The following LRP1B variants were observed in gnomAD, a reference collection of about 807,000 sequenced individuals.
LRP1B encodes the protein LDL receptor related protein 1B, also known as low-density lipoprotein receptor-related protein 1B.
In LRP1B, 217 loss-of-function variants were observed where a neutral mutation model predicts 556.6. The observed-to-expected ratio is 0.39, with a 90% CI of 0.35 to 0.44. The LOEUF (loss-of-function observed/expected upper bound fraction) is 0.44, where lower values mean the gene tolerates loss of function less well. Ranked by LOEUF, LRP1B falls within the 20% of genes least tolerant of loss-of-function variation. The pLI is 1.00. For missense variants in LRP1B, 5,053 were observed against 5,620.8 expected, an observed-to-expected ratio of 0.90 and a Z score of 3.23; for synonymous variants, 2,047 against 1,865.8, an observed-to-expected ratio of 1.10 and a Z score of -2.50.
At chr2:141,960,035 A>G (rs1574533061) in intron 1 of LRP1B, among the ~76,000 whole-genome samples, 1 of 152,074 alleles carries the variant, frequency 6.6e-6, no homozygotes, top group Admixed American at 6.6e-5. Context: ...AGACACATGC[A>G]TAAATAAGAA....
At chr2:141,953,004 T>A (rs972977540) in intron 1 of LRP1B, among the ~76,000 whole-genome samples, 2 of 152,108 alleles carry the variant, frequency 1.3e-5, no homozygotes, top group Non-Finnish European at 2.9e-5. Context: ...CTCTAGAGGG[T>A]AGCAATTTCA....
intron 41 of LRP1B, among the ~76,000 whole-genome samples, chr2:140,602,607 G>A (rs1274008143): frequency 6.6e-6 from 1 of 151,956 alleles, no homozygotes; most frequent in Non-Finnish European, 1.5e-5. Context: ...CTATCCAGCT[G>A]CTATAAAAAT....
At chr2:140,901,159 C>A (rs2105219388) in intron 23 of LRP1B, among the ~76,000 whole-genome samples, 1 of 152,148 alleles carries the variant, frequency 6.6e-6, no homozygotes, top group African/African-American at 2.4e-5. Context: ...TGGGGGAGGG[C>A]TCCAAGTGGG....
At position 140,626,898 on chromosome 2, in the gene LRP1B, T is replaced by G. The variant is rs184868877; in HGVS notation, c.6800-25259A>C. Reference sequence around the variant, plus strand: ...CTTGACATGGATTCTACCTTTAAACTGTTATGGTGTGGCTTCTGAAGAACA... The same window carrying G: ...CTTGACATGGATTCTACCTTTAAACGGTTATGGTGTGGCTTCTGAAGAACA... On this transcript the variant is annotated intron_variant, in intron 41 of 90. Coordinates refer to ENST00000389484, the MANE Select transcript of LRP1B (RefSeq NM_018557.3). Among the ~76,000 whole-genome samples the G allele has an allele frequency of 1.0e-3, 156 of 152,292 alleles. 1 individual carries two copies. Among genetic ancestry groups the G allele is most frequent in the African/African-American group, 3.6e-3 (149 of 41,562 alleles).
intron 25 of LRP1B, among the ~76,000 whole-genome samples, chr2:140,870,159 C>T (rs763987517): frequency 5.3e-5 from 8 of 152,130 alleles, no homozygotes; most frequent in Non-Finnish European, 1.0e-4. Flanking sequence ...AAAGACTCAT[C>T]ACCACACCCA....
chr2:141,153,611 T>C (rs1175196990), intron 7 of LRP1B, among the ~76,000 whole-genome samples: 2 of 137,402 alleles, frequency 1.5e-5, no homozygotes, highest in Non-Finnish European at 3.1e-5. Context: ...TTATATATAA[T>C]ATATTATATA....
chr2:141,881,189 T>A (rs1698947763), intron 1 of LRP1B, among the ~76,000 whole-genome samples: 1 of 152,026 alleles, frequency 6.6e-6, no homozygotes, highest in Admixed American at 6.6e-5. Context: ...CTTGATGGTA[T>A]AAAAGCAAAG....
intron 83 of LRP1B, among the ~76,000 whole-genome samples, chr2:140,313,053 A>G (rs751394516): frequency 8.6e-5 from 13 of 151,958 alleles, no homozygotes; most frequent in Non-Finnish European, 1.8e-4. Flanking sequence ...TTGTTTAACC[A>G]ATTAACATTT....
chr2:140,501,617 G>A lies in LRP1B; in HGVS notation c.8850+70C>T, dbSNP rs940756916. The A allele has an allele frequency of 2.3e-5, 27 of 1,159,172 alleles. No individual in the cohort carries two copies. In the African/African-American group the frequency reaches 3.4e-4, roughly 15 times the overall value. The allele number at this position is 1,159,172 out of a possible 1,614,324, so 71.8% of individuals were successfully genotyped here. A position where few individuals can be genotyped will look rare whatever the true frequency, so the allele number is the denominator to read the frequency against. ...GGCTTTTAACTTTTTCATCTATATT[G>A]GATTAAATAGCTTTCTTAACCTCCA... On this transcript the variant is annotated intron_variant, in intron 55 of 90. Coordinates refer to ENST00000389484, the MANE Select transcript of LRP1B (RefSeq NM_018557.3).
At chr2:140,891,042 C>T (rs771404394) in intron 23 of LRP1B, among the ~76,000 whole-genome samples, 1 of 152,222 alleles carries the variant, frequency 6.6e-6, no homozygotes, top group South Asian at 2.1e-4. Context: ...CTGAATTTAA[C>T]AGCTCAAATC....
chr2:142,091,103 A>C (rs188149496), intron 1 of LRP1B, among the ~76,000 whole-genome samples: 99 of 152,170 alleles, frequency 6.5e-4, no homozygotes, highest in Non-Finnish European at 1.0e-3. Flanking sequence ...AATTAGAGAA[A>C]CTTCTGTAAT....
chr2:141,804,472 CA>C (rs1251172227), intron 2 of LRP1B, among the ~76,000 whole-genome samples: 1 of 151,894 alleles, frequency 6.6e-6, no homozygotes, highest in Non-Finnish European at 1.5e-5. Context: ...ATTTCTATAC[CA>C]AATGTATCCC....
intron 3 of LRP1B, among the ~76,000 whole-genome samples, chr2:141,395,439 TAA>T (rs1690206477): frequency 6.6e-6 from 1 of 152,154 alleles, no homozygotes; most frequent in Non-Finnish European, 1.5e-5. Context: ...CCTACAGCAA[TAA>T]GTTATACCAG....
At chr2:141,045,797 A>C (rs1341662090) in intron 11 of LRP1B, among the ~76,000 whole-genome samples, 1 of 152,188 alleles carries the variant, frequency 6.6e-6, no homozygotes, top group Non-Finnish European at 1.5e-5. Context: ...CAAGTAATTA[A>C]TTTTTAAAAA....
chr2:140,735,658 T>C (rs1271128083), intron 35 of LRP1B, among the ~76,000 whole-genome samples: 1 of 152,144 alleles, frequency 6.6e-6, no homozygotes, highest in East Asian at 1.9e-4. Context: ...GATGGCCCAG[T>C]CTTCCCTATG....
intron 2 of LRP1B, among the ~76,000 whole-genome samples, chr2:141,801,385 T>C (rs745941773): frequency 3.0e-4 from 46 of 152,134 alleles, no homozygotes; most frequent in Non-Finnish European, 5.1e-4. Flanking sequence ...AGTTCTTGGG[T>C]TCAAGTAATC....
intron 2 of LRP1B, among the ~76,000 whole-genome samples, chr2:141,702,853 T>C (rs1385653368): frequency 6.6e-6 from 1 of 151,914 alleles, no homozygotes; most frequent in Non-Finnish European, 1.5e-5. Flanking sequence ...TTCTTTCTAA[T>C]TTTAGCTGAT....
At chr2:141,430,953 G>T (rs555901125) in intron 3 of LRP1B, among the ~76,000 whole-genome samples, 123 of 151,980 alleles carry the variant, frequency 8.1e-4, no homozygotes, top group African/African-American at 2.8e-3. Flanking sequence ...AACATAGTGA[G>T]ATCTGGTCTC....
intron 35 of LRP1B, among the ~76,000 whole-genome samples, chr2:140,766,834 TA>T (rs1224704595): frequency 4.8e-3 from 114 of 23,968 alleles, no homozygotes; most frequent in African/African-American, 5.9e-3. Flanking sequence ...TATATATATA[TA>T]TATATATATT....
Sources: gnomAD v4.1 joint callset for allele counts (sites outside exome capture counted in the v4.1 genomes callset) on GRCh38, gnomAD v4.1.1 for gene constraint, MANE v1.5 for transcripts, NCBI Gene and HGNC (gene_info 2026-07-23, HGNC 2026-07-21) for gene names.